CDC42BPB: variants seen among roughly 807,000 people sequenced by gnomAD.
The protein encoded by CDC42BPB is CDC42 binding protein kinase beta, also known as serine/threonine-protein kinase MRCK beta.
In CDC42BPB, 37 loss-of-function variants were observed where a neutral mutation model predicts 214.9. The observed-to-expected ratio is 0.17, with a 90% CI of 0.13 to 0.23. The LOEUF is 0.23. Ranked by LOEUF, CDC42BPB falls within the 10% of genes least tolerant of loss-of-function variation. The probability of loss-of-function intolerance (pLI) is 1.00; values close to 1 mark genes in which losing one functional copy is unlikely to be tolerated. For missense variants in CDC42BPB, 1,694 were observed against 2,227.0 expected, an observed-to-expected ratio of 0.76 and a Z score of 4.82; for synonymous variants, 931 against 884.0, an observed-to-expected ratio of 1.05 and a Z score of -0.94.
chr14:102,950,885 G>A lies in CDC42BPB; in HGVS notation c.3173-283C>T, dbSNP rs34262978. 9.1e-3 allele frequency: 1,463 copies of A among 160,506 alleles called. 16 individuals carry two copies. Among genetic ancestry groups the A allele is most frequent in the African/African-American group, 0.034 (1,404 of 41,680 alleles). The allele number at this position is 160,506 out of a possible 1,614,324, so 9.9% of individuals were successfully genotyped here. The stretch of plus-strand genomic sequence containing the variant: ...GGAGGCTGAGGCAGAAGAATCGCTT[G>A]AGCCCGGGAGGCGGAGGTTGCAGTG... On this transcript the variant is annotated intron_variant, in intron 24 of 36. Transcript: ENST00000361246.
intron 9 of CDC42BPB, among the ~76,000 whole-genome samples, chr14:102,977,818 G>C (rs1386841403): frequency 3.9e-5 from 6 of 152,160 alleles, no homozygotes; most frequent in Admixed American, 3.9e-4. Context: ...GCACCATCAC[G>C]AGCATGAATG....
intron 1 of CDC42BPB, among the ~76,000 whole-genome samples, chr14:103,035,639 G>A (rs1887621066): frequency 6.6e-6 from 1 of 152,078 alleles, no homozygotes; most frequent in African/African-American, 2.4e-5. Context: ...AGGAGATTGA[G>A]ACCATCCTGG....
chr14:102,957,004 C>T (rs982108225), intron 21 of CDC42BPB, among the ~76,000 whole-genome samples: 1 of 125,408 alleles, frequency 8.0e-6, no homozygotes, highest in Non-Finnish European at 1.6e-5. Flanking sequence ...CATGGTGAAA[C>T]CCCATCTCTA....
Position 102,939,706 on chromosome 14 carries a change from T to G in CDC42BPB, c.4731A>C (p.Glu1577Asp). The G allele has an allele frequency of 6.2e-7, 1 of 1,614,178 alleles. No individual in the cohort carries two copies. The highest frequency in any genetic ancestry group is 8.5e-7 in the Non-Finnish European group (1 of 1,180,030). Residue 1577 changes from glutamate (E) to aspartate (D), a missense_variant, in exon 34 of 37, where the codon GAA becomes GAC. This residue lies in a region of CDC42BPB where 567 missense variants were observed against 790.3 expected (regional missense o/e 0.72). Coordinates refer to ENST00000361246, the MANE Select transcript of CDC42BPB (RefSeq NM_006035.4). The stretch of plus-strand genomic sequence containing the variant: ...GGTTGGATATCATTTTGGATCTCAA[T>G]TCTGGGTCTCTAAGCATCTCTCTGG... ...QQRREMLRDP[E>D]LRSKMISNPT...
At chr14:102,945,486 G>C (rs560845309) in intron 29 of CDC42BPB, among the ~76,000 whole-genome samples, 176 bp downstream of exon 29, 1 of 152,260 alleles carries the variant, frequency 6.6e-6, no homozygotes, top group East Asian at 1.9e-4. Flanking sequence ...GATGTGATAC[G>C]CAACTTAGCA....
At chr14:102,946,906 G>C (rs1415430355) in intron 27 of CDC42BPB, 1 of 981,870 alleles carries the variant, frequency 1.0e-6, no homozygotes, top group Non-Finnish European at 1.2e-6. Context: ...ATCGCTTCCT[G>C]GTCCCATTTT....
intron 1 of CDC42BPB, among the ~76,000 whole-genome samples, chr14:103,051,080 C>A (rs1178614238): frequency 1.3e-5 from 2 of 150,354 alleles, no homozygotes; most frequent in African/African-American, 4.9e-5. Context: ...AAAACCTAAC[C>A]CCCAACACAG....
chr14:102,955,944 C>T (rs545752401), intron 21 of CDC42BPB, among the ~76,000 whole-genome samples: 1 of 152,316 alleles, frequency 6.6e-6, no homozygotes, highest in South Asian at 2.1e-4. Context: ...ACACATAAAA[C>T]ACACACACAA....
intron 21 of CDC42BPB, among the ~76,000 whole-genome samples, chr14:102,958,930 C>T (rs940443779): frequency 1.3e-5 from 2 of 151,822 alleles, no homozygotes; most frequent in Admixed American, 6.6e-5. Flanking sequence ...ACTTCAGCCT[C>T]CCAAAGTGCT....
chr14:103,048,888 T>A (rs920025078), intron 1 of CDC42BPB, among the ~76,000 whole-genome samples: 1 of 151,406 alleles, frequency 6.6e-6, no homozygotes, highest in South Asian at 2.1e-4. Flanking sequence ...AAAAAAAAAA[T>A]TTACTCCATG....
Position 103,004,303 on chromosome 14 carries a change from C to T in CDC42BPB, c.352-280G>A. The T allele has an allele frequency of 5.0e-6, 3 of 600,970 alleles. No individual in the cohort carries two copies. The highest frequency in any genetic ancestry group is 1.9e-5 in the African/African-American group (1 of 52,152). The allele number at this position is 600,970 out of a possible 1,614,324, so 37.2% of individuals were successfully genotyped here. A position where few individuals can be genotyped will look rare whatever the true frequency, so the allele number is the denominator to read the frequency against. On this transcript the variant is annotated intron_variant, in intron 3 of 36. Transcript: ENST00000361246. The surrounding 1 kb of genome is among the most constrained non-coding windows in gnomAD (Gnocchi z 5.3). ...TGGCTGACACTTAGATTCACCCCAC[C>T]CTTATGTGGATTCCTGACTGGGCTC...
chr14:102,949,818 A>G lies in CDC42BPB; in HGVS notation c.3396T>C (p.Pro1132=), dbSNP rs1892399730. ...CDCKLFLYDL[P]EGKSTQPGVI... is the part of the protein sequence containing the mutation. Reference sequence around the variant, plus strand: ...CACCAGGCTGGGTGGATTTTCCTTCAGGCAGATCATACAGGAAGAGCTTGC... The same window carrying G: ...CACCAGGCTGGGTGGATTTTCCTTCGGGCAGATCATACAGGAAGAGCTTGC... The change falls in exon 26 of 37, where the codon CCT becomes CCC. Residue 1132 remains proline (P), a synonymous_variant. Transcript: ENST00000361246. The G allele has an allele frequency of 6.2e-7, 1 of 1,613,490 alleles. No individual in the cohort carries two copies. The highest frequency in any genetic ancestry group is 8.5e-7 in the Non-Finnish European group (1 of 1,180,018).
chr14:103,023,129 C>T (rs981222559), intron 1 of CDC42BPB, among the ~76,000 whole-genome samples: 3 of 151,610 alleles, frequency 2.0e-5, no homozygotes, highest in Non-Finnish European at 1.5e-5. Context: ...CCTCAGTCTC[C>T]CGAGTAGCAG....
In CDC42BPB at chr14:102,938,159, C is replaced by G; in HGVS notation, c.4949G>C (p.Ser1650Thr). Residue 1650 changes from serine to threonine, a missense_variant, in exon 36 of 37, where the codon AGC becomes ACC. Physicochemically the swap from Ser to Thr is moderately conservative, Grantham distance 58. Transcript: ENST00000361246. Reference sequence around the variant, plus strand: ...CATACTTCTCAGAGGCACAGTCACGCTAGGCTCCGATCCACCTACAGAACA... The same window carrying G: ...CATACTTCTCAGAGGCACAGTCACGGTAGGCTCCGATCCACCTACAGAACA... ...SWPSSGGSEP[S>T]VTVPLRSMSD... The G allele has an allele frequency of 6.2e-7, 1 of 1,613,722 alleles. No individual in the cohort carries two copies. The highest frequency in any genetic ancestry group is 1.1e-5 in the South Asian group (1 of 91,056).
intron 5 of CDC42BPB, among the ~76,000 whole-genome samples, chr14:102,996,213 A>G (rs552735385): frequency 2.6e-5 from 4 of 151,972 alleles, no homozygotes; most frequent in Admixed American, 1.3e-4. Flanking sequence ...GGTGGTGGGC[A>G]CCTGTAGTCC....
intron 24 of CDC42BPB, among the ~76,000 whole-genome samples, chr14:102,952,237 G>T (rs2139399055): frequency 6.6e-6 from 1 of 152,254 alleles, no homozygotes; most frequent in Admixed American, 6.5e-5. Context: ...TGTGTCTGAG[G>T]TCTCAACTAC....
At chr14:102,942,236 T>C (rs76586709) in intron 30 of CDC42BPB, among the ~76,000 whole-genome samples, 10 of 73,908 alleles carry the variant, frequency 1.4e-4, no homozygotes, top group Non-Finnish European at 2.1e-4. Context: ...TGCCCACACA[T>C]GTCTGCTGTG....
chr14:102,966,193 C>T, intron 18 of CDC42BPB, 89 bp downstream of exon 18: 1 of 987,322 alleles, frequency 1.0e-6, no homozygotes, highest in Non-Finnish European at 1.6e-6. Context: ...CACTGTAATT[C>T]CCTAAATAGT....
rs1892184656 is a variant in CDC42BPB at position 102,946,513 on chromosome 14, T to G, written c.3703A>C (p.Ser1235Arg). Residue 1235 changes from serine (S) to arginine (R), a missense_variant, in exon 28 of 37, where the codon AGC (serine) becomes CGC (arginine). By Grantham distance (110) the Ser-to-Arg change is moderately radical. Coordinates refer to ENST00000361246, the MANE Select transcript of CDC42BPB (RefSeq NM_006035.4). The stretch of plus-strand genomic sequence containing the variant: ...ATGGCCTTGATGAGAGGCAGCGAGC[T>G]GTCGTAGGCTTCCAAGGGAACATGC... ...VVHVPLEAYDSSLPLIKAILT... is the reference protein window; with the variant it reads ...VVHVPLEAYDRSLPLIKAILT... The G allele has an allele frequency of 6.2e-7, 1 of 1,612,718 alleles. No individual in the cohort carries two copies. The highest frequency in any genetic ancestry group is 1.1e-5 in the South Asian group (1 of 91,092).
Sources: gnomAD v4.1 joint callset for allele counts (sites outside exome capture counted in the v4.1 genomes callset) on GRCh38, gnomAD v4.1.1 for gene constraint, gnomAD v4.1.1 regional missense constraint, Gnocchi (gnomAD v3.1) non-coding constraint, MANE v1.5 for transcripts, NCBI Gene and HGNC (gene_info 2026-07-23, HGNC 2026-07-21) for gene names.